PLEKHM3: variants seen among roughly 807,000 people sequenced by gnomAD.
PLEKHM3 encodes pleckstrin homology domain containing M3.
A neutral mutation model predicts 81.8 loss-of-function variants in PLEKHM3; 45 were observed. That is an observed-to-expected ratio of 0.55 (90% CI 0.43 to 0.71). The LOEUF (loss-of-function observed/expected upper bound fraction) is 0.71, where lower values mean the gene tolerates loss of function less well. Ranked by LOEUF, PLEKHM3 falls within the 30% of genes least tolerant of loss-of-function variation. The probability of loss-of-function intolerance (pLI) is 0.00; values close to 1 mark genes in which losing one functional copy is unlikely to be tolerated. For missense variants in PLEKHM3, 788 were observed against 924.3 expected, an observed-to-expected ratio of 0.85 and a Z score of 1.91; for synonymous variants, 352 against 356.4, an observed-to-expected ratio of 0.99 and a Z score of 0.14.
rs185619047 is a variant in PLEKHM3, at chr2:207,882,322, C to T, written c.1951-21060G>A. On this transcript the variant is annotated intron_variant, in intron 6 of 7. Transcript: ENST00000427836. ...TCTCTCTGAAAACAGTTATAAAAGG[C>T]CTGGGTTGGCCGGATGCGGTGGCTG... is the stretch of plus-strand genomic sequence containing the variant. Among the ~76,000 whole-genome samples, 241 of 152,146 alleles carry T rather than the reference C, an allele frequency of 1.6e-3. 2 individuals carry two copies. Among genetic ancestry groups the T allele is most frequent in the African/African-American group, 5.7e-3 (235 of 41,514 alleles).
Position 207,951,149 on chromosome 2 carries a change from G to A in PLEKHM3, c.1547-4637C>T, listed in dbSNP as rs1009835054. Among the ~76,000 whole-genome samples the A allele has an allele frequency of 3.3e-5, 5 of 152,186 alleles. No individual in the cohort carries two copies. The South Asian group carries it at 1.0e-3, about 32-fold the overall frequency. ...TTCCCCATAAAAATACACAATCTGGGATTTTACTTTATCATTGTGGGGTTT... is the reference window on the plus strand; with the variant it reads ...TTCCCCATAAAAATACACAATCTGGAATTTTACTTTATCATTGTGGGGTTT... On this transcript the variant is annotated intron_variant, in intron 3 of 7. Coordinates refer to ENST00000427836, the MANE Select transcript of PLEKHM3 (RefSeq NM_001080475.3).
At chr2:207,888,992 A>G (rs1036816298) in intron 6 of PLEKHM3, among the ~76,000 whole-genome samples, 1 of 152,226 alleles carries the variant, frequency 6.6e-6, no homozygotes, top group East Asian at 1.9e-4. Context: ...TCCAGTTTTT[A>G]GTGAGTTCCA....
At chr2:207,960,492 T>C (rs1029669349) in intron 3 of PLEKHM3, among the ~76,000 whole-genome samples, 1 of 152,246 alleles carries the variant, frequency 6.6e-6, no homozygotes, top group Non-Finnish European at 1.5e-5. Context: ...AGGGGTCCAC[T>C]CTATAATAAT....
intron 2 of PLEKHM3, among the ~76,000 whole-genome samples, chr2:207,993,697 C>T (rs966147619): frequency 4.6e-5 from 7 of 151,746 alleles, no homozygotes; most frequent in Admixed American, 3.9e-4. Context: ...AGAGTGAAAC[C>T]GACGGAAACA....
At chr2:207,968,129 C>A (rs1213646371) in intron 3 of PLEKHM3, among the ~76,000 whole-genome samples, 1 of 151,756 alleles carries the variant, frequency 6.6e-6, no homozygotes, top group African/African-American at 2.4e-5. Flanking sequence ...CAAATGCTTT[C>A]CTGAACACTA....
rs146557749 is a variant in PLEKHM3, at chr2:207,840,319, C to T, written c.2109-11823G>A. Among the ~76,000 whole-genome samples, 675 of 152,142 alleles carry T rather than the reference C, an allele frequency of 4.4e-3. 3 individuals are homozygous for T. The highest frequency in any genetic ancestry group is 0.014 in the African/African-American group (595 of 41,510). On this transcript the variant is annotated intron_variant, in intron 7 of 7. Coordinates refer to ENST00000427836, the MANE Select transcript of PLEKHM3 (RefSeq NM_001080475.3). ...CCCACCTCAGCCTCCCAAGTATTAA[C>T]AGCTAGGACTACAAGTGTGTGCCAC...
intron 3 of PLEKHM3, among the ~76,000 whole-genome samples, chr2:207,966,645 C>A (rs138038694): frequency 1.3e-5 from 2 of 152,078 alleles, no homozygotes; most frequent in Non-Finnish European, 2.9e-5. Context: ...CTCCACCTCC[C>A]GGGTTCAAGA....
intron 3 of PLEKHM3, among the ~76,000 whole-genome samples, chr2:207,956,602 G>A (rs1690517568): frequency 6.6e-6 from 1 of 151,436 alleles, no homozygotes; most frequent in African/African-American, 2.4e-5. Context: ...CTGGAGTACA[G>A]TAGTACAATC....
At chr2:207,992,292 C>T (rs1255003309) in intron 2 of PLEKHM3, among the ~76,000 whole-genome samples, 1 of 152,186 alleles carries the variant, frequency 6.6e-6, no homozygotes, top group East Asian at 1.9e-4. Context: ...CTCTAAGCCT[C>T]AGTTTCCTCA....
intron 4 of PLEKHM3, among the ~76,000 whole-genome samples, chr2:207,939,870 C>T (rs569386292): frequency 2.0e-5 from 3 of 152,220 alleles, no homozygotes; most frequent in South Asian, 4.1e-4. Flanking sequence ...AGAGCATGGC[C>T]TCAGGAGCTA....
At chr2:207,865,207 C>T (rs1419463058) in intron 6 of PLEKHM3, among the ~76,000 whole-genome samples, 1 of 152,134 alleles carries the variant, frequency 6.6e-6, no homozygotes, top group Admixed American at 6.5e-5. Context: ...TAGTGAATGA[C>T]TCATTTTCTC....
intron 5 of PLEKHM3, among the ~76,000 whole-genome samples, chr2:207,912,522 ATGT>A (rs1048649628): frequency 6.6e-6 from 1 of 152,178 alleles, no homozygotes; most frequent in African/African-American, 2.4e-5. Flanking sequence ...ACTGGAGAAG[ATGT>A]TGTGTCCAAG....
intron 3 of PLEKHM3, among the ~76,000 whole-genome samples, chr2:207,956,817 G>A (rs1300240892): frequency 6.9e-5 from 9 of 129,808 alleles, no homozygotes; most frequent in African/African-American, 1.4e-4. Flanking sequence ...CTATCCTCCC[G>A]CCCTGGCCTC....
intron 1 of PLEKHM3, among the ~76,000 whole-genome samples, chr2:208,017,711 T>C (rs1692970477): frequency 6.6e-6 from 1 of 152,096 alleles, no homozygotes; most frequent in Non-Finnish European, 1.5e-5. Flanking sequence ...CATTCTCCCC[T>C]CAAGAAGCAG....
intron 5 of PLEKHM3, among the ~76,000 whole-genome samples, chr2:207,928,841 C>A (rs573129324): frequency 1.3e-5 from 2 of 152,314 alleles, no homozygotes; most frequent in Admixed American, 1.3e-4. Context: ...GAAACAGAAC[C>A]ATCTAAATTT....
At chr2:207,842,309 A>G (rs2105890196) in intron 7 of PLEKHM3, among the ~76,000 whole-genome samples, 1 of 152,352 alleles carries the variant, frequency 6.6e-6, no homozygotes, top group South Asian at 2.1e-4. Flanking sequence ...CACCTCAGGT[A>G]GTTAAGAACT....
At chr2:207,880,003 C>A (rs1407807399) in intron 6 of PLEKHM3, among the ~76,000 whole-genome samples, 2 of 152,154 alleles carry the variant, frequency 1.3e-5, no homozygotes, top group Admixed American at 6.5e-5. Context: ...CTGACAAGTT[C>A]TGGCAGCATT....
intron 7 of PLEKHM3, among the ~76,000 whole-genome samples, chr2:207,860,594 C>T (rs557353373): frequency 6.6e-6 from 1 of 152,342 alleles, no homozygotes; most frequent in East Asian, 1.9e-4. Flanking sequence ...AATCATCCCA[C>T]ATAAACTCCC....
chr2:207,883,375 T>C (rs1362508435), intron 6 of PLEKHM3, among the ~76,000 whole-genome samples: 1 of 152,206 alleles, frequency 6.6e-6, no homozygotes, highest in Admixed American at 6.5e-5. Flanking sequence ...GATTAAGGTA[T>C]AGCTCAGGCA....
Sources: gnomAD v4.1 joint callset for allele counts (sites outside exome capture counted in the v4.1 genomes callset) on GRCh38, gnomAD v4.1.1 for gene constraint, MANE v1.5 for transcripts, NCBI Gene and HGNC (gene_info 2026-07-23, HGNC 2026-07-21) for gene names.